DLC1: variants seen among roughly 807,000 people sequenced by gnomAD.
DLC1 encodes the protein DLC1 Rho GTPase activating protein.
DLC1 carries 54 observed loss-of-function variants against 140.3 expected under a neutral mutation model. The ratio of observed to expected loss-of-function variants is 0.38; its 90% CI spans 0.31 to 0.48. The LOEUF (loss-of-function observed/expected upper bound fraction) is 0.48. Among genes scored for constraint, DLC1 ranks in the 20% least tolerant of loss-of-function variants. The pLI, the probability that DLC1 is intolerant of heterozygous loss-of-function variation, is 0.96. For missense variants in DLC1, 2,536 were observed against 1,907.0 expected (o/e 1.33, Z -6.14); for synonymous variants, 986 against 728.1 (o/e 1.35, Z -5.70).
intron 5 of DLC1, among the ~76,000 whole-genome samples, chr8:13,289,050 CT>C (rs1831650812): frequency 6.6e-6 from 1 of 152,174 alleles, no homozygotes. Context: ...CACTTTCATT[CT>C]GTGACCAACT....
intron 5 of DLC1, among the ~76,000 whole-genome samples, chr8:13,141,163 G>T (rs10094676): frequency 0.17 from 26,070 of 149,656 alleles, 2,395 homozygotes; most frequent in Non-Finnish European, 0.21. Flanking sequence ...GCTGAGGCAG[G>T]AGAATCACTT....
intron 2 of DLC1, among the ~76,000 whole-genome samples, chr8:13,433,178 A>G (rs1429510891): frequency 2.6e-5 from 4 of 152,088 alleles, no homozygotes; most frequent in South Asian, 4.2e-4. Context: ...AGAAGAATTT[A>G]TGAAAAAATG....
chr8:13,401,719 A>C (rs1406220565), intron 2 of DLC1, 100 bp from the exon 3 acceptor site: 4 of 1,425,654 alleles, frequency 2.8e-6, no homozygotes, highest in Admixed American at 2.2e-5. Context: ...ACACTGGATA[A>C]TAGGCAGTCT....
At chr8:13,296,942 A>T (rs1053634417) in intron 5 of DLC1, among the ~76,000 whole-genome samples, 8 of 151,906 alleles carry the variant, frequency 5.3e-5, no homozygotes, top group African/African-American at 1.9e-4. Flanking sequence ...AGGAAAAGAA[A>T]CTATGTTCTA....
intron 1 of DLC1, among the ~76,000 whole-genome samples, chr8:13,582,878 CTATATATATATATATA>C (rs55681527): frequency 0.058 from 5,986 of 103,096 alleles, 507 homozygotes; most frequent in African/African-American, 0.18. Flanking sequence ...ATACTGTGGT[CTATATATATATATATA>C]TATATATATA....
intron 2 of DLC1, among the ~76,000 whole-genome samples, chr8:13,486,163 T>C (rs1800958181): frequency 6.6e-6 from 1 of 152,166 alleles, no homozygotes; most frequent in Admixed American, 6.5e-5. Context: ...GAGTACAGAA[T>C]AACCGAATGA....
intron 1 of DLC1, among the ~76,000 whole-genome samples, chr8:13,589,258 C>G (rs1373734671): frequency 6.6e-6 from 1 of 151,912 alleles, no homozygotes; most frequent in Non-Finnish European, 1.5e-5. Context: ...GAACTGAGAT[C>G]TTTGTATTTT....
intron 5 of DLC1, among the ~76,000 whole-genome samples, chr8:13,238,657 CT>C (rs1829402764): frequency 6.6e-6 from 1 of 152,138 alleles, no homozygotes; most frequent in Non-Finnish European, 1.5e-5. Context: ...ACTTGGCGAT[CT>C]GAGGATCAGC....
chr8:13,231,119 G>C (rs952178104), intron 5 of DLC1, among the ~76,000 whole-genome samples: 2 of 152,048 alleles, frequency 1.3e-5, no homozygotes, highest in African/African-American at 4.8e-5. Context: ...GTCTGTTGCA[G>C]GAGTTGCATA....
intron 2 of DLC1, among the ~76,000 whole-genome samples, chr8:13,406,604 C>G (rs1210695895): frequency 1.3e-5 from 2 of 152,058 alleles, no homozygotes; most frequent in Admixed American, 6.6e-5. Context: ...TCCTCAGTTC[C>G]TTTAATTATT....
chr8:13,567,907 A>T (rs774481502), intron 1 of DLC1: 54 of 1,551,844 alleles, frequency 3.5e-5, no homozygotes, highest in Non-Finnish European at 4.6e-5. Flanking sequence ...CAAGCGACTT[A>T]CTCTAATCAA....
chr8:13,106,541 G>A (rs1460680585), intron 7 of DLC1, among the ~76,000 whole-genome samples: 1 of 152,082 alleles, frequency 6.6e-6, no homozygotes, highest in Admixed American at 6.5e-5. Context: ...TAGAAATGGG[G>A]TCTTGCCATG....
At chr8:13,572,360 G>A (rs1303407483) in intron 1 of DLC1, among the ~76,000 whole-genome samples, 1 of 152,006 alleles carries the variant, frequency 6.6e-6, no homozygotes, top group Non-Finnish European at 1.5e-5. Flanking sequence ...AAGTGCTGGA[G>A]GAATTATTTT....
intron 5 of DLC1, among the ~76,000 whole-genome samples, chr8:13,163,082 C>T (rs1268471515): frequency 6.6e-6 from 1 of 152,110 alleles, no homozygotes; most frequent in Non-Finnish European, 1.5e-5. Flanking sequence ...ACAACCAGCA[C>T]ACATACATGA....
chr8:13,133,179 C>G (rs1822266980), intron 5 of DLC1: 1 of 1,432,226 alleles, frequency 7.0e-7, no homozygotes, highest in East Asian at 2.6e-5. Flanking sequence ...AACGAGGGAG[C>G]GCTCAGGGAG....
chr8:13,377,902 G>GA (rs1247450311), intron 4 of DLC1, among the ~76,000 whole-genome samples: 6 of 150,674 alleles, frequency 4.0e-5, no homozygotes, highest in Non-Finnish European at 5.9e-5. Flanking sequence ...CATTCTGAAA[G>GA]AAAAAACAAA....
At chr8:13,554,697 G>T (rs116535227) in intron 1 of DLC1, among the ~76,000 whole-genome samples, 1,554 of 152,098 alleles carry the variant, frequency 0.01, 30 homozygotes, top group African/African-American at 0.035. Context: ...CACCTCTACT[G>T]CTACCAGTCT....
At chr8:13,164,771 C>T (rs1191043930) in intron 5 of DLC1, among the ~76,000 whole-genome samples, 1 of 152,174 alleles carries the variant, frequency 6.6e-6, no homozygotes, top group Non-Finnish European at 1.5e-5. Context: ...AAATGCTCTA[C>T]CCAGACACTG....
intron 5 of DLC1, among the ~76,000 whole-genome samples, chr8:13,242,703 G>T (rs1314974343): frequency 6.6e-6 from 1 of 152,126 alleles, no homozygotes; most frequent in Non-Finnish European, 1.5e-5. Context: ...TCCTCAATAG[G>T]TTTACACAGG....
Sources: gnomAD v4.1 joint callset for allele counts (sites outside exome capture counted in the v4.1 genomes callset) on GRCh38, gnomAD v4.1.1 for gene constraint, MANE v1.5 for transcripts, NCBI Gene and HGNC (gene_info 2026-07-23, HGNC 2026-07-21) for gene names.